Variants in HOOK3 observed in about 807,000 individuals in gnomAD.
HOOK3 encodes hook microtubule tethering protein 3, also known as protein Hook homolog 3.
HOOK3 carries 24 observed loss-of-function variants against 116.3 expected under a neutral mutation model. The ratio of observed to expected loss-of-function variants is 0.21; its 90% confidence interval spans 0.15 to 0.29. HOOK3 has a LOEUF of 0.29. Among genes scored for constraint, HOOK3 ranks in the 10% least tolerant of loss-of-function variants. HOOK3 has a pLI of 1.00. For synonymous variants in HOOK3, 275 were observed against 283.0 expected, an observed-to-expected ratio of 0.97 and a Z score of 0.28; for missense variants, 632 against 830.2, an observed-to-expected ratio of 0.76 and a Z score of 2.93.
intron 21 of HOOK3, among the ~76,000 whole-genome samples, chr8:43,016,378 C>A (rs879379419): frequency 3.9e-5 from 6 of 152,134 alleles, no homozygotes; most frequent in Non-Finnish European, 7.4e-5. Context: ...CCTCGGCCTC[C>A]CAAAGTGCTG....
intron 11 of HOOK3, among the ~76,000 whole-genome samples, chr8:42,971,886 G>A (rs1274119465): frequency 2.6e-5 from 4 of 151,916 alleles, no homozygotes; most frequent in Admixed American, 6.6e-5. Flanking sequence ...TCACCATGTT[G>A]CCCCCAGGGT....
intron 14 of HOOK3, among the ~76,000 whole-genome samples, chr8:42,983,022 A>G (rs1808981966): frequency 6.6e-6 from 1 of 152,138 alleles, no homozygotes; most frequent in Non-Finnish European, 1.5e-5. Context: ...AGCATGCAAA[A>G]TTATTAGTTA....
chr8:43,015,845 G>A (rs1809703189), intron 21 of HOOK3, among the ~76,000 whole-genome samples: 1 of 151,854 alleles, frequency 6.6e-6, no homozygotes, highest in South Asian at 2.1e-4. Context: ...AGCCTCCCGA[G>A]TAACTGGGGT....
At chr8:42,971,839 C>A (rs1257599839) in intron 11 of HOOK3, among the ~76,000 whole-genome samples, 1 of 152,062 alleles carries the variant, frequency 6.6e-6, no homozygotes, top group Non-Finnish European at 1.5e-5. Flanking sequence ...CACCACCAAG[C>A]CCGGCTAAAT....
At chr8:42,939,490 C>T (rs1454460151) in intron 4 of HOOK3, among the ~76,000 whole-genome samples, 1 of 148,432 alleles carries the variant, frequency 6.7e-6, no homozygotes, top group Non-Finnish European at 1.5e-5. Flanking sequence ...GCGCCCCTCA[C>T]CTCCCGGACG....
intron 4 of HOOK3, among the ~76,000 whole-genome samples, chr8:42,931,212 C>T (rs2130365780): frequency 6.6e-6 from 1 of 152,252 alleles, no homozygotes; most frequent in Non-Finnish European, 1.5e-5. Context: ...CCTGGCATTT[C>T]TTGTTCTTGC....
intron 3 of HOOK3, among the ~76,000 whole-genome samples, chr8:42,926,285 T>C (rs1046573211): frequency 2.0e-5 from 3 of 152,186 alleles, no homozygotes; most frequent in Non-Finnish European, 4.4e-5. Flanking sequence ...TTTAACTTTA[T>C]GTTTTGTTTT....
At chr8:43,014,727 T>C (rs981424777) in intron 21 of HOOK3, among the ~76,000 whole-genome samples, 3 of 152,226 alleles carry the variant, frequency 2.0e-5, no homozygotes, top group Non-Finnish European at 2.9e-5. Context: ...TTTACAGTTA[T>C]AATTGATAAC....
At chr8:42,999,774 C>A (rs1335048852) in intron 16 of HOOK3, among the ~76,000 whole-genome samples, 1 of 151,928 alleles carries the variant, frequency 6.6e-6, no homozygotes, top group Non-Finnish European at 1.5e-5. Flanking sequence ...TTTGAGCTAG[C>A]CACAATATAT....
At chr8:42,957,450 A>G (rs952006056) in intron 7 of HOOK3, among the ~76,000 whole-genome samples, 2 of 151,916 alleles carry the variant, frequency 1.3e-5, no homozygotes, top group Admixed American at 6.6e-5. Context: ...ATGAATTTTT[A>G]TTTTTCTGTT....
chr8:43,009,232 C>T (rs934816687), intron 18 of HOOK3, among the ~76,000 whole-genome samples: 4 of 151,680 alleles, frequency 2.6e-5, no homozygotes, highest in Non-Finnish European at 5.9e-5. Flanking sequence ...TGGTAAAAGC[C>T]CATCTCTACT....
intron 2 of HOOK3, among the ~76,000 whole-genome samples, chr8:42,922,096 C>G (rs1448704102): frequency 6.6e-6 from 1 of 152,086 alleles, no homozygotes; most frequent in Non-Finnish European, 1.5e-5. Flanking sequence ...TTACACCATG[C>G]AAAAATTGAT....
At chr8:43,007,015 G>GTT (rs1809504346) in intron 17 of HOOK3, among the ~76,000 whole-genome samples, 1 of 124,608 alleles carries the variant, frequency 8.0e-6, no homozygotes. Flanking sequence ...TAAGTTCCTA[G>GTT]ATTTTTTTTT....
intron 13 of HOOK3, 103 bp from the exon 14 acceptor site, chr8:42,982,524 A>T: frequency 1.3e-6 from 1 of 761,994 alleles, no homozygotes; most frequent in Non-Finnish European, 2.3e-6. Context: ...TTACTTGAAA[A>T]TGATTTTTGC....
At chr8:42,936,368 G>A (rs527675570) in intron 4 of HOOK3, among the ~76,000 whole-genome samples, 4 of 152,248 alleles carry the variant, frequency 2.6e-5, no homozygotes, top group Admixed American at 2.6e-4. Context: ...CTTTCTATTT[G>A]AATATCCTTT....
At chr8:43,005,214 ATTTTT>A (rs1178140233) in intron 17 of HOOK3, among the ~76,000 whole-genome samples, 1 of 63,182 alleles carries the variant, frequency 1.6e-5, no homozygotes, top group African/African-American at 6.6e-5. Flanking sequence ...TATATATATA[ATTTTT>A]TTTTTTTTTT....
intron 2 of HOOK3, among the ~76,000 whole-genome samples, chr8:42,919,627 C>T (rs985717270): frequency 6.6e-5 from 10 of 152,216 alleles, no homozygotes; most frequent in African/African-American, 1.4e-4. Context: ...GCCGAGATTA[C>T]GCCACTGCAC....
At chr8:43,005,942 G>A (rs200369449) in intron 17 of HOOK3, among the ~76,000 whole-genome samples, 12 of 151,170 alleles carry the variant, frequency 7.9e-5, no homozygotes, top group East Asian at 2.0e-4. Context: ...TGATCCACCC[G>A]CCTTGGCCTC....
chr8:42,937,927 C>A (rs1213816062), intron 4 of HOOK3, among the ~76,000 whole-genome samples: 3 of 152,146 alleles, frequency 2.0e-5, no homozygotes, highest in Non-Finnish European at 4.4e-5. Context: ...GAGCTGAGTT[C>A]AAGTCCTGAA....
Sources: gnomAD v4.1 joint callset for allele counts (sites outside exome capture counted in the v4.1 genomes callset) on GRCh38, gnomAD v4.1.1 for gene constraint, MANE v1.5 for transcripts, NCBI Gene and HGNC (gene_info 2026-07-23, HGNC 2026-07-21) for gene names.